DIAPH3: variants seen among roughly 807,000 people sequenced by gnomAD.
DIAPH3 encodes diaphanous related formin 3.
A neutral mutation model predicts 144.3 loss-of-function variants in DIAPH3; 117 were observed. The observed-to-expected ratio is 0.81, with a 90% confidence interval of 0.70 to 0.95. The LOEUF (loss-of-function observed/expected upper bound fraction) is 0.95, where lower values mean the gene tolerates loss of function less well. DIAPH3 is among the 40% of genes least tolerant of loss of function. The probability of loss-of-function intolerance (pLI) is 0.00; values close to 1 mark genes in which losing one functional copy is unlikely to be tolerated. For missense variants in DIAPH3, 1,421 were observed against 1,412.7 expected, an observed-to-expected ratio of 1.01 and a Z score of -0.09; for synonymous variants, 519 against 488.9, an observed-to-expected ratio of 1.06 and a Z score of -0.81.
intron 24 of DIAPH3, among the ~76,000 whole-genome samples, chr13:59,821,441 A>T (rs1456233135): frequency 6.6e-6 from 1 of 152,130 alleles, no homozygotes; most frequent in Non-Finnish European, 1.5e-5. Context: ...AATCCTTAAA[A>T]ATACATTTCT....
intron 2 of DIAPH3, among the ~76,000 whole-genome samples, chr13:60,117,395 A>G (rs2138112428): frequency 6.6e-6 from 1 of 152,206 alleles, no homozygotes; most frequent in East Asian, 1.9e-4. Context: ...TTTCCCAGAT[A>G]AGAAAGAATA....
At chr13:59,812,227 G>A (rs1253375203) in intron 24 of DIAPH3, among the ~76,000 whole-genome samples, 1 of 151,826 alleles carries the variant, frequency 6.6e-6, no homozygotes, top group Non-Finnish European at 1.5e-5. Flanking sequence ...GAGTAGAGGG[G>A]ACAGTAACTC....
intron 5 of DIAPH3, among the ~76,000 whole-genome samples, chr13:60,040,971 G>T (rs923986786): frequency 6.6e-6 from 1 of 152,018 alleles, no homozygotes; most frequent in Admixed American, 6.6e-5. Context: ...CTGCCACCAT[G>T]CCTGGCTAAT....
chr13:60,020,485 A>G (rs1309839887), intron 5 of DIAPH3, among the ~76,000 whole-genome samples: 1 of 152,188 alleles, frequency 6.6e-6, no homozygotes, highest in East Asian at 1.9e-4. Flanking sequence ...CTCCTGCCTC[A>G]GCCTTCCTAG....
At chr13:59,918,506 G>A (rs1388641186) in intron 18 of DIAPH3, among the ~76,000 whole-genome samples, 1 of 152,078 alleles carries the variant, frequency 6.6e-6, no homozygotes, top group African/African-American at 2.4e-5. Flanking sequence ...GAAGCCATGG[G>A]CTTCAGGAAC....
intron 20 of DIAPH3, among the ~76,000 whole-genome samples, chr13:59,897,185 G>A (rs1262071773): frequency 1.3e-5 from 2 of 152,184 alleles, no homozygotes; most frequent in East Asian, 3.8e-4. Flanking sequence ...AGTCAGGGAG[G>A]AGTCAGACAT....
intron 27 of DIAPH3, among the ~76,000 whole-genome samples, chr13:59,683,643 T>G (rs2033061981): frequency 6.6e-6 from 1 of 152,144 alleles, no homozygotes; most frequent in Admixed American, 6.6e-5. Context: ...GGGCAGAATT[T>G]GAAGAGCAGC....
chr13:60,085,939 C>T (rs1028739034), intron 4 of DIAPH3, among the ~76,000 whole-genome samples: 4 of 152,046 alleles, frequency 2.6e-5, no homozygotes, highest in African/African-American at 9.7e-5. Context: ...AACTCAGTGA[C>T]AGGGTGAAAA....
intron 27 of DIAPH3, among the ~76,000 whole-genome samples, chr13:59,686,413 C>T (rs2033214260): frequency 6.6e-6 from 1 of 151,466 alleles, no homozygotes; most frequent in South Asian, 2.1e-4. Context: ...CAATGTTCTA[C>T]TCAAAAGAGG....
chr13:59,927,174 A>G (rs990009618), intron 17 of DIAPH3, among the ~76,000 whole-genome samples: 1 of 151,966 alleles, frequency 6.6e-6, no homozygotes, highest in Non-Finnish European at 1.5e-5. Context: ...CATACATTAC[A>G]TTTTTTCAAT....
chr13:59,920,667 T>A (rs867009822), intron 18 of DIAPH3, among the ~76,000 whole-genome samples: 1 of 151,838 alleles, frequency 6.6e-6, no homozygotes, highest in South Asian at 2.1e-4. Context: ...TGCCTCATTT[T>A]CAGCAATAAA....
intron 27 of DIAPH3, among the ~76,000 whole-genome samples, chr13:59,753,467 G>A (rs1359811256): frequency 6.6e-6 from 1 of 152,148 alleles, no homozygotes; most frequent in African/African-American, 2.4e-5. Context: ...CTGCATGGGG[G>A]AAAACTGCTT....
At position 59,781,561 on chromosome 13, in the gene DIAPH3, G is replaced by C. The variant is rs1250519241; in HGVS notation, c.3164-6738C>G. On this transcript the variant is annotated intron_variant, in intron 25 of 27. Transcript: ENST00000400324. The stretch of plus-strand genomic sequence containing the variant: ...TTTAGATCACATGGATCACATGGGA[G>C]GAAACTGGGCAGTGGGACAGAGTAG... Among the ~76,000 whole-genome samples the C allele has an allele frequency of 2.0e-5, 3 of 152,200 alleles. No homozygotes were observed. In the East Asian group the frequency reaches 5.8e-4, roughly 29 times the overall value.
At chr13:60,039,164 T>G (rs377182102) in intron 5 of DIAPH3, among the ~76,000 whole-genome samples, 1 of 152,018 alleles carries the variant, frequency 6.6e-6, no homozygotes, top group African/African-American at 2.4e-5. Context: ...ACATAATTCA[T>G]AGAGAGTAAA....
chr13:60,052,959 T>TAAAAAAAAAAAAAAAA (rs559991017), intron 4 of DIAPH3, among the ~76,000 whole-genome samples: 754 of 40,512 alleles, frequency 0.019, 41 homozygotes, highest in African/African-American at 0.035. Flanking sequence ...GACTCCCTCT[T>TAAAAAAAAAAAAAAAA]AAAAAAAAAA....
intron 22 of DIAPH3, among the ~76,000 whole-genome samples, chr13:59,848,465 G>A (rs1275467936): frequency 2.5e-5 from 3 of 121,226 alleles, no homozygotes; most frequent in Non-Finnish European, 3.5e-5. Context: ...ATCCCTCCCC[G>A]CTCCCCCCAC....
chr13:59,892,540 G>GTA (rs2045870048), intron 20 of DIAPH3, among the ~76,000 whole-genome samples: 7 of 151,892 alleles, frequency 4.6e-5, no homozygotes, highest in Admixed American at 2.0e-4. Flanking sequence ...TGGTATATAG[G>GTA]TAAGTAGATA....
At chr13:60,014,718 G>T (rs986498982) in intron 7 of DIAPH3, among the ~76,000 whole-genome samples, 1 of 152,010 alleles carries the variant, frequency 6.6e-6, no homozygotes, top group African/African-American at 2.4e-5. Context: ...AGATGCTTTT[G>T]CTATAAAACA....
intron 27 of DIAPH3, among the ~76,000 whole-genome samples, chr13:59,677,982 G>C (rs565811482): frequency 6.6e-6 from 1 of 152,218 alleles, no homozygotes; most frequent in South Asian, 2.1e-4. Flanking sequence ...GGGAGACTGG[G>C]TTACCGTTCA....
Sources: gnomAD v4.1 joint callset for allele counts (sites outside exome capture counted in the v4.1 genomes callset) on GRCh38, gnomAD v4.1.1 for gene constraint, MANE v1.5 for transcripts, NCBI Gene and HGNC (gene_info 2026-07-23, HGNC 2026-07-21) for gene names.